Variants in TTC29 observed in about 807,000 individuals in gnomAD.
TTC29 encodes tetratricopeptide repeat protein 29.
Under a neutral mutation model 58.1 loss-of-function variants are expected in TTC29, and 49 were observed. The ratio of observed to expected loss-of-function variants is 0.84; its 90% CI spans 0.67 to 1.07. The LOEUF (loss-of-function observed/expected upper bound fraction) is 1.07. Among genes scored for constraint, TTC29 ranks in the 50% least tolerant of loss-of-function variants. The pLI is 0.00. For missense variants in TTC29, 582 were observed against 555.6 expected, an observed-to-expected ratio of 1.05 and a Z score of -0.48; for synonymous variants, 209 against 196.8, an observed-to-expected ratio of 1.06 and a Z score of -0.52.
intron 8 of TTC29, among the ~76,000 whole-genome samples, chr4:146,867,080 C>A (rs966819134): frequency 2.0e-5 from 3 of 152,196 alleles, no homozygotes; most frequent in South Asian, 4.1e-4. Context: ...TACATCAATG[C>A]AGCTCACTGT....
intron 11 of TTC29, among the ~76,000 whole-genome samples, chr4:146,783,664 T>A (rs1367981526): frequency 2.0e-5 from 3 of 152,114 alleles, no homozygotes; most frequent in African/African-American, 7.2e-5. Context: ...TTGGTATTTC[T>A]CAACTGAGAA....
chr4:146,814,155 A>G (rs1186559590), intron 10 of TTC29, among the ~76,000 whole-genome samples: 1 of 152,252 alleles, frequency 6.6e-6, no homozygotes, highest in Non-Finnish European at 1.5e-5. Context: ...CACTAGAATA[A>G]TAAACGAGGC....
At chr4:146,742,452 A>G (rs1745224118) in intron 11 of TTC29, among the ~76,000 whole-genome samples, 1 of 152,130 alleles carries the variant, frequency 6.6e-6, no homozygotes, top group Admixed American at 6.5e-5. Context: ...CTGAGATGGT[A>G]TAGCTAACAG....
chr4:146,882,789 CTTT>C (rs1377080908), intron 6 of TTC29, among the ~76,000 whole-genome samples: 2 of 152,030 alleles, frequency 1.3e-5, no homozygotes, highest in African/African-American at 2.4e-5. Context: ...CCCTCCACTT[CTTT>C]GTTTTGATGG....
At chr4:146,721,568 A>G (rs1743355119) in intron 11 of TTC29, among the ~76,000 whole-genome samples, 1 of 152,188 alleles carries the variant, frequency 6.6e-6, no homozygotes, top group Non-Finnish European at 1.5e-5. Context: ...GATTTACTTT[A>G]AAAATATGAC....
intron 9 of TTC29, among the ~76,000 whole-genome samples, chr4:146,831,133 G>C (rs1404655179): frequency 1.3e-5 from 2 of 152,168 alleles, no homozygotes; most frequent in African/African-American, 4.8e-5. Flanking sequence ...TTTTCACTAT[G>C]ACCTCAGAAT....
chr4:146,781,981 C>T (rs572436484), intron 11 of TTC29, among the ~76,000 whole-genome samples: 6 of 151,610 alleles, frequency 4.0e-5, no homozygotes, highest in South Asian at 4.2e-4. Flanking sequence ...GCAAATTTCA[C>T]GGCCAATTTC....
At chr4:146,722,682 A>T (rs1432147294) in intron 11 of TTC29, among the ~76,000 whole-genome samples, 2 of 152,108 alleles carry the variant, frequency 1.3e-5, no homozygotes, top group Non-Finnish European at 2.9e-5. Flanking sequence ...CTCAAGATGG[A>T]TTAAAGGTTT....
intron 9 of TTC29, among the ~76,000 whole-genome samples, chr4:146,830,927 G>C (rs1728115118): frequency 6.6e-6 from 1 of 152,110 alleles, no homozygotes; most frequent in South Asian, 2.1e-4. Flanking sequence ...GCGCTATTCA[G>C]GATGCTGTTG....
chr4:146,932,610 T>G (rs554621617), intron 4 of TTC29, among the ~76,000 whole-genome samples: 2 of 152,216 alleles, frequency 1.3e-5, no homozygotes, highest in South Asian at 4.2e-4. Flanking sequence ...AAAAGTATAT[T>G]TGTAGTTCAT....
intron 9 of TTC29, 138 bp downstream of exon 9, chr4:146,833,668 G>C (rs948412693): frequency 1.3e-5 from 9 of 678,746 alleles, no homozygotes; most frequent in East Asian, 2.8e-5. Context: ...AATAACTTAT[G>C]ATGAAAGGGT....
In TTC29 at chr4:146,864,915, ATT is replaced by A. The variant is rs35568981; in HGVS notation, c.885+2581_885+2582del. 2.9e-4 allele frequency among the ~76,000 whole-genome samples: 42 copies of A among 146,802 alleles called. No individual in the cohort carries two copies. In the East Asian group the frequency reaches 3.8e-3, roughly 13 times the overall value. ...ACAGGTTCCAGGGATTAGGAAGTAG[ATT>A]TTTTTTTTTTTTAAGGGGAGTAACA... is the stretch of plus-strand genomic sequence containing the variant. On this transcript the variant is annotated intron_variant, in intron 8 of 12. Coordinates refer to ENST00000325106, the MANE Select transcript of TTC29 (RefSeq NM_031956.4).
intron 5 of TTC29, among the ~76,000 whole-genome samples, chr4:146,904,239 C>T (rs1453824307): frequency 6.6e-6 from 1 of 152,078 alleles, no homozygotes; most frequent in Non-Finnish European, 1.5e-5. Context: ...ATAGATACAA[C>T]AAATGATGAT....
At chr4:146,823,344 C>A (rs754638946) in intron 9 of TTC29, among the ~76,000 whole-genome samples, 4 of 152,192 alleles carry the variant, frequency 2.6e-5, no homozygotes, top group Non-Finnish European at 5.9e-5. Context: ...TTCCCAGCAC[C>A]ATTTACTGAA....
At chr4:146,863,448 A>T (rs113411763) in intron 8 of TTC29, among the ~76,000 whole-genome samples, 81 of 152,300 alleles carry the variant, frequency 5.3e-4, no homozygotes, top group African/African-American at 1.9e-3. Context: ...TGCTGAAAAC[A>T]TACAAATTTA....
intron 4 of TTC29, among the ~76,000 whole-genome samples, chr4:146,936,904 T>C (rs1483118089): frequency 6.6e-6 from 1 of 152,086 alleles, no homozygotes; most frequent in East Asian, 1.9e-4. Context: ...ATTTACAAGA[T>C]TTCCATTTTT....
intron 11 of TTC29, among the ~76,000 whole-genome samples, chr4:146,766,933 G>T (rs377088512): frequency 4.6e-5 from 7 of 152,086 alleles, no homozygotes; most frequent in African/African-American, 1.4e-4. Context: ...ATAAAAAAAA[G>T]ATAATTGACA....
intron 8 of TTC29, among the ~76,000 whole-genome samples, chr4:146,854,842 A>G (rs959648094): frequency 2.6e-5 from 4 of 152,170 alleles, no homozygotes; most frequent in African/African-American, 9.7e-5. Context: ...AAGAATATTA[A>G]ATTCCTCCCT....
At chr4:146,711,015 GAGA>G (rs1254071094) in intron 11 of TTC29, among the ~76,000 whole-genome samples, 8 of 152,188 alleles carry the variant, frequency 5.3e-5, no homozygotes, top group African/African-American at 1.9e-4. Flanking sequence ...AATTGAAATG[GAGA>G]AGACATTACC....
Sources: gnomAD v4.1 joint callset for allele counts (sites outside exome capture counted in the v4.1 genomes callset) on GRCh38, gnomAD v4.1.1 for gene constraint, MANE v1.5 for transcripts, NCBI Gene and HGNC (gene_info 2026-07-23, HGNC 2026-07-21) for gene names.